Variants in BRWD1 observed in about 807,000 individuals in gnomAD.
The protein encoded by BRWD1 is bromodomain and WD repeat-containing protein 1.
A neutral mutation model predicts 251.2 loss-of-function variants in BRWD1; 82 were observed. The ratio of observed to expected loss-of-function variants is 0.33; its 90% CI spans 0.27 to 0.39. The LOEUF (loss-of-function observed/expected upper bound fraction) is 0.39, where lower values mean the gene tolerates loss of function less well. BRWD1 is among the 10% of genes least tolerant of loss of function. BRWD1 has a pLI of 1.00. For synonymous variants in BRWD1, 918 were observed against 902.8 expected (o/e 1.02, Z -0.30); for missense variants, 2,233 against 2,711.6 (o/e 0.82, Z 3.92).
At chr21:39,268,165 C>T (rs779165120) in intron 15 of BRWD1, among the ~76,000 whole-genome samples, 10 of 152,020 alleles carry the variant, frequency 6.6e-5, no homozygotes, top group Non-Finnish European at 1.0e-4. Flanking sequence ...GTCTCAAAAG[C>T]GCTACTAAAA....
intron 28 of BRWD1, 94 bp downstream of exon 28, chr21:39,224,992 C>A (rs1251495082): frequency 8.4e-6 from 8 of 954,258 alleles, no homozygotes; most frequent in Non-Finnish European, 1.3e-5. Flanking sequence ...CAGATAAAAA[C>A]CATGTTTTTT....
At chr21:39,303,646 A>G (rs1222017848) in intron 4 of BRWD1, among the ~76,000 whole-genome samples, 3 of 150,752 alleles carry the variant, frequency 2.0e-5, no homozygotes, top group Non-Finnish European at 4.4e-5. Flanking sequence ...CCTGGGCAAC[A>G]TGGCAAAACC....
chr21:39,253,932 TAC>T lies in BRWD1; in HGVS notation c.2255+1711_2255+1712del, dbSNP rs1220687484. Reference sequence around the variant, plus strand: ...TATTATAATTACAAAATATCATTTCTACACTTGATCTTAGCCAAAAGGCCAAG... The same window carrying T: ...TATTATAATTACAAAATATCATTTCTACTTGATCTTAGCCAAAAGGCCAAG... On this transcript the variant is annotated intron_variant, in intron 19 of 40. Coordinates refer to ENST00000342449, the MANE Select transcript of BRWD1 (RefSeq NM_033656.4). Among the ~76,000 whole-genome samples the T allele has an allele frequency of 2.0e-5, 3 of 152,234 alleles. No individual in the cohort carries two copies. The East Asian group carries it at 5.8e-4, about 29-fold the overall frequency.
At chr21:39,314,280 C>T (rs1425762478), upstream of BRWD1, 4 of 455,852 alleles carry the variant, frequency 8.8e-6, no homozygotes, top group East Asian at 2.1e-4. Context: ...CTGAAGGCTG[C>T]CGAGACCCAG....
intron 39 of BRWD1, among the ~76,000 whole-genome samples, chr21:39,200,003 T>G (rs1380089442): frequency 2.0e-5 from 3 of 152,224 alleles, no homozygotes; most frequent in Non-Finnish European, 4.4e-5. Context: ...TCCGCCCACC[T>G]CAGCCTCCCA....
At chr21:39,253,408 A>C (rs1439957375) in intron 19 of BRWD1, among the ~76,000 whole-genome samples, 1 of 151,794 alleles carries the variant, frequency 6.6e-6, no homozygotes, top group Admixed American at 6.6e-5. Flanking sequence ...GATTATTTCT[A>C]GTCTTCCTTC....
chr21:39,278,860 T>G, intron 9 of BRWD1, 47 bp from the exon 10 acceptor site: 2 of 1,339,230 alleles, frequency 1.5e-6, no homozygotes, highest in Non-Finnish European at 2.0e-6. Flanking sequence ...TTTTACCACA[T>G]TAACACAGCT....
Position 39,188,073 on chromosome 21 carries a change from C to G in BRWD1, c.*8186G>C. 4 of 985,406 alleles carry G rather than the reference C, an allele frequency of 4.1e-6. No homozygotes were observed. The highest frequency in any genetic ancestry group is 4.8e-6 in the Non-Finnish European group (4 of 829,924). The allele number at this position is 985,406 out of a possible 1,614,324, so 61.0% of individuals were successfully genotyped here. On this transcript the variant is annotated 3_prime_UTR_variant, in exon 41 of 41. Transcript: ENST00000342449. ...CCACATGATGCCAGAGCTACTACTC[C>G]GTGCTGACCAAACTTAGGAGGGCTC...
Position 39,192,615 on chromosome 21 carries a change from C to A in BRWD1, c.*3644G>T. On this transcript the variant is annotated 3_prime_UTR_variant, in exon 41 of 41. Coordinates refer to ENST00000342449, the MANE Select transcript of BRWD1 (RefSeq NM_033656.4). ...AGTATTTGGTGACAACTGCAAGATA[C>A]CTGATAAATAAATATATCAACTTAC... 1.0e-6 allele frequency: 1 copy of A among 983,344 alleles called. No homozygotes were observed. Among genetic ancestry groups the A allele is most frequent in the Middle Eastern group, 5.2e-4 (1 of 1,910 alleles). The allele number at this position is 983,344 out of a possible 1,614,324, so 60.9% of individuals were successfully genotyped here. A position where few individuals can be genotyped will look rare whatever the true frequency, so the allele number is the denominator to read the frequency against.
At chr21:39,274,314 A>T in intron 13 of BRWD1, 60 bp downstream of exon 13, 2 of 1,289,234 alleles carry the variant, frequency 1.6e-6, no homozygotes, top group Non-Finnish European at 2.3e-6. Flanking sequence ...CGAGAGAGAG[A>T]GAGAGAGAGA....
At position 39,196,666 on chromosome 21, in the gene BRWD1, A is replaced by T. The variant is rs765444552; in HGVS notation, c.6403T>A (p.Leu2135Met). Residue 2135 changes from leucine to methionine, a missense_variant, in exon 41 of 41, where the codon TTG becomes ATG. Around this residue, in one of 12 missense-constraint regions of BRWD1, gnomAD observed 928 missense variants for 970.0 expected, o/e 0.96. Coordinates refer to ENST00000342449, the MANE Select transcript of BRWD1 (RefSeq NM_033656.4). The part of the protein sequence containing the change: ...EVKRKRSHPE[L>M]ENVKISETTG... ...GTTTCAGAGATTTTCACATTTTCCA[A>T]TTCAGGATGCGATCTCTTCCTTTTT... 2.1e-5 allele frequency: 34 copies of T among 1,613,692 alleles called. No individual in the cohort carries two copies. Among genetic ancestry groups the T allele is most frequent in the Non-Finnish European group, 2.9e-5 (34 of 1,179,854 alleles).
rs1427639674 is a variant in BRWD1 at position 39,313,114 on chromosome 21, G to A, written c.109-13C>T. On this transcript the variant is annotated splice_polypyrimidine_tract_variant and intron_variant, in intron 2 of 40. Transcript: ENST00000342449. ...CCTGCACCAGCACCTGCGGCCGAGA[G>A]ACGCGCGGTCAGGGGTGGGGTCGGG... The A allele has an allele frequency of 3.3e-6, 5 of 1,496,908 alleles. No homozygotes were observed. The highest frequency in any genetic ancestry group is 2.9e-5 in the African/African-American group (2 of 68,518). The allele number at this position is 1,496,908 out of a possible 1,614,324, so 92.7% of individuals were successfully genotyped here.
Position 39,312,825 on chromosome 21 carries a change from C to A in BRWD1, c.198+16G>T, listed in dbSNP as rs754516511. On this transcript the variant is annotated intron_variant, in intron 4 of 40. Transcript: ENST00000342449. ...GTGCACGGAAAACCCGGGGAGCAAA[C>A]GTGCCCAATGCTCACCAACTCCTCG... The A allele has an allele frequency of 5.7e-6, 9 of 1,585,338 alleles. No individual in the cohort carries two copies. The highest frequency in any genetic ancestry group is 5.6e-5 in the African/African-American group (4 of 71,864).
intron 22 of BRWD1, among the ~76,000 whole-genome samples, chr21:39,237,442 T>C (rs987467049): frequency 4.6e-5 from 7 of 152,212 alleles, no homozygotes; most frequent in African/African-American, 1.7e-4. Flanking sequence ...GGACTCTACT[T>C]GGGCCATCCT....
chr21:39,250,880 T>C lies in BRWD1; in HGVS notation c.2265A>G (p.Glu755=). The change falls in exon 20 of 41, where the codon GAA becomes GAG. Residue 755 remains glutamate, a synonymous_variant. Coordinates refer to ENST00000342449, the MANE Select transcript of BRWD1 (RefSeq NM_033656.4). ...CTTCACCTTTCTCTAATCGGAAGTC[T>C]TCCAGCTTCCTACAAATTTAAATAC... ...EVPLGIFRKL[E]DFRLEKGEEE... The C allele has an allele frequency of 6.3e-7, 1 of 1,588,540 alleles. No individual in the cohort carries two copies. The highest frequency in any genetic ancestry group is 8.6e-7 in the Non-Finnish European group (1 of 1,166,814).
upstream of BRWD1, chr21:39,314,238 C>T (rs752547900): frequency 1.8e-5 from 8 of 455,436 alleles, no homozygotes; most frequent in African/African-American, 1.2e-4. Flanking sequence ...GCGGGGGCCT[C>T]GTATGCTGGC....
At chr21:39,300,112 G>A (rs1601492881) in intron 4 of BRWD1, among the ~76,000 whole-genome samples, 1 of 152,146 alleles carries the variant, frequency 6.6e-6, no homozygotes, top group Non-Finnish European at 1.5e-5. Context: ...ATGGCTACTT[G>A]TGGCCGGCAT....
intron 37 of BRWD1, among the ~76,000 whole-genome samples, chr21:39,204,191 AC>A (rs2032279334): frequency 6.8e-6 from 1 of 147,144 alleles, no homozygotes; most frequent in African/African-American, 2.5e-5. Context: ...TACCACCACC[AC>A]CTAGGAAGGG....
At chr21:39,243,474 T>A (rs1178029690) in intron 21 of BRWD1, among the ~76,000 whole-genome samples, 1 of 152,190 alleles carries the variant, frequency 6.6e-6, no homozygotes, top group Admixed American at 6.5e-5. Context: ...ACACAGTGTC[T>A]CACTGTGTCA....
Sources: allele counts gnomAD v4.1 joint callset (sites outside exome capture counted in the v4.1 genomes callset), GRCh38; gene constraint gnomAD v4.1.1; regional missense constraint gnomAD v4.1.1; transcripts MANE v1.5; gene names NCBI Gene and HGNC (gene_info 2026-07-23, HGNC 2026-07-21).